The following MGLL variants were observed in gnomAD, a reference collection of about 807,000 sequenced individuals.
MGLL encodes the protein monoglyceride lipase, also known as lysophospholipase homolog.
In MGLL, 7 loss-of-function variants were observed where a neutral mutation model predicts 29.1. The observed-to-expected ratio is 0.24, with a 90% CI of 0.14 to 0.45. The LOEUF (loss-of-function observed/expected upper bound fraction) is 0.45, where lower values mean the gene tolerates loss of function less well. Among genes scored for constraint, MGLL ranks in the 20% least tolerant of loss-of-function variants. MGLL has a pLI of 0.99. For synonymous variants in MGLL, 148 were observed against 168.3 expected (o/e 0.88, Z 0.93); for missense variants, 356 against 413.6 (o/e 0.86, Z 1.21).
At chr3:127,802,806 G>C (rs1421786404) in intron 2 of MGLL, among the ~76,000 whole-genome samples, 1 of 152,182 alleles carries the variant, frequency 6.6e-6, no homozygotes, top group Non-Finnish European at 1.5e-5. Context: ...TGCCCTTCTG[G>C]GAAATCACTG....
chr3:127,792,280 A>G (rs1397944313), intron 2 of MGLL, among the ~76,000 whole-genome samples: 5 of 152,234 alleles, frequency 3.3e-5, no homozygotes. Flanking sequence ...TGCATCTCTA[A>G]GATCTGAGGG....
At position 127,821,727 on chromosome 3, in the gene MGLL, A is replaced by G. The variant is rs768259268; in HGVS notation, c.122T>C (p.Phe41Ser). 1.9e-6 allele frequency: 3 copies of G among 1,614,130 alleles called. No homozygotes were observed. Among genetic ancestry groups the G allele is most frequent in the East Asian group, 2.2e-5 (1 of 44,880 alleles). ...GCCTGTGGGTTTCCAGTACCTGCAG[A>G]AGAGGTACTGTCCGTCTGCATTGAC... ...HLVNADGQYLFCRYWKPTGTP... is the reference protein window; with the variant it reads ...HLVNADGQYLSCRYWKPTGTP... The change falls in exon 2 of 8, where the codon TTC becomes TCC. Residue 41 changes from phenylalanine (F) to serine (S), a missense_variant. Phe to Ser is a radical substitution (Grantham distance 155). Transcript: ENST00000265052.
intron 3 of MGLL, among the ~76,000 whole-genome samples, chr3:127,770,726 C>A (rs568678447): frequency 2.0e-4 from 30 of 152,216 alleles, no homozygotes; most frequent in Non-Finnish European, 3.2e-4. Flanking sequence ...GGCCACAAAA[C>A]CCTGTTGGAG....
chr3:127,809,805 T>C (rs897433332), intron 2 of MGLL, among the ~76,000 whole-genome samples: 2 of 152,122 alleles, frequency 1.3e-5, no homozygotes, highest in African/African-American at 4.8e-5. Context: ...AGGTGGCCTG[T>C]GGGGCTTGCT....
In MGLL at chr3:127,822,301, T is replaced by C. The variant is rs1342381918; in HGVS notation, c.10+8A>G. The C allele has an allele frequency of 3.1e-6, 5 of 1,612,818 alleles. No individual in the cohort carries two copies. The highest frequency in any genetic ancestry group is 2.2e-5 in the South Asian group (2 of 91,078). Reference sequence around the variant, plus strand: ...TCCCATCTGAAATTCCAAGGATACATGACAAACCTGTTTCCATTATGTGCT... The same window carrying C: ...TCCCATCTGAAATTCCAAGGATACACGACAAACCTGTTTCCATTATGTGCT... On this transcript the variant is annotated splice_region_variant and intron_variant, in intron 1 of 7. Transcript: ENST00000265052.
chr3:127,760,812 C>A (rs1160483401), intron 3 of MGLL, among the ~76,000 whole-genome samples: 1 of 152,246 alleles, frequency 6.6e-6, no homozygotes, highest in African/African-American at 2.4e-5. Flanking sequence ...GACTTTGCCC[C>A]CTAATGACTG....
At chr3:127,699,840 A>T (rs984989391) in intron 6 of MGLL, among the ~76,000 whole-genome samples, 4 of 152,304 alleles carry the variant, frequency 2.6e-5, no homozygotes, top group African/African-American at 7.2e-5. Context: ...CCCAGGGGTT[A>T]CCGCCCTTCA....
intron 3 of MGLL, among the ~76,000 whole-genome samples, chr3:127,766,298 C>T (rs867701695): frequency 6.6e-6 from 1 of 152,220 alleles, no homozygotes; most frequent in South Asian, 2.1e-4. Context: ...TCATTCCACA[C>T]CCAGCACTGA....
At chr3:127,730,031 G>A (rs938312287) in intron 3 of MGLL, among the ~76,000 whole-genome samples, 6 of 152,180 alleles carry the variant, frequency 3.9e-5, no homozygotes, top group Admixed American at 1.3e-4. Flanking sequence ...TTCACATAGC[G>A]GTTAAAGGCC....
rs369795673 is a variant in MGLL, at chr3:127,695,065, C to G, written c.726G>C (p.Leu242=). Residue 242 remains leucine, a synonymous_variant, in exon 7 of 8, where the codon CTG becomes CTC. Transcript: ENST00000265052. ...RALPKLTVPF[L]LLQGSADRLC... is the part of the protein sequence containing the mutation. Reference sequence around the variant, plus strand: ...GGCGATCGGCAGAGCCCTGGAGCAGCAGGAAGGGCACAGTCAGCTTGGGGA... The same window carrying G: ...GGCGATCGGCAGAGCCCTGGAGCAGGAGGAAGGGCACAGTCAGCTTGGGGA... The G allele has an allele frequency of 7.4e-6, 12 of 1,613,994 alleles. No individual in the cohort carries two copies. In the African/African-American group the frequency reaches 1.5e-4, roughly 20 times the overall value.
chr3:127,754,633 G>C (rs567171371), intron 3 of MGLL, among the ~76,000 whole-genome samples: 30 of 152,358 alleles, frequency 2.0e-4, no homozygotes, highest in African/African-American at 7.0e-4. Flanking sequence ...CACCACTCAG[G>C]CTGTTGGTCC....
At chr3:127,808,973 A>G (rs1465989505) in intron 2 of MGLL, among the ~76,000 whole-genome samples, 7 of 152,150 alleles carry the variant, frequency 4.6e-5, no homozygotes, top group Admixed American at 3.9e-4. Context: ...GGATTTTTGT[A>G]TTATCAAGGT....
At chr3:127,767,543 C>T (rs754419213) in intron 3 of MGLL, among the ~76,000 whole-genome samples, 4 of 152,170 alleles carry the variant, frequency 2.6e-5, no homozygotes, top group Non-Finnish European at 5.9e-5. Flanking sequence ...AGTGAAAGCA[C>T]ATGGTAGGCA....
intron 2 of MGLL, among the ~76,000 whole-genome samples, chr3:127,790,874 G>A (rs1184606139): frequency 6.6e-6 from 1 of 152,040 alleles, no homozygotes; most frequent in East Asian, 1.9e-4. Context: ...TCCTTCTTCC[G>A]CTCACACTGA....
intron 3 of MGLL, 87 bp downstream of exon 3, chr3:127,781,702 A>G: frequency 8.5e-7 from 1 of 1,172,452 alleles, no homozygotes; most frequent in Non-Finnish European, 1.3e-6. Flanking sequence ...AGAATTGAGA[A>G]GGATGCTGGC....
At chr3:127,803,232 A>G (rs9829976) in intron 2 of MGLL, among the ~76,000 whole-genome samples, 25,844 of 151,806 alleles carry the variant, frequency 0.17, 2,420 homozygotes, top group South Asian at 0.26. Context: ...CACCTGCCTC[A>G]GCCTGCCAAA....
At chr3:127,731,721 C>T (rs1159473333) in intron 3 of MGLL, among the ~76,000 whole-genome samples, 1 of 152,212 alleles carries the variant, frequency 6.6e-6, no homozygotes, top group Non-Finnish European at 1.5e-5. Context: ...AAGCCCCGGC[C>T]CACAGTTCCC....
intron 2 of MGLL, among the ~76,000 whole-genome samples, chr3:127,785,880 C>T (rs1324713857): frequency 2.6e-5 from 4 of 152,264 alleles, no homozygotes; most frequent in East Asian, 3.9e-4. Context: ...ATGAGGGGGT[C>T]GACAGATAAG....
chr3:127,740,589 TG>T (rs1048173728), intron 3 of MGLL, among the ~76,000 whole-genome samples: 3 of 152,126 alleles, frequency 2.0e-5, no homozygotes, highest in African/African-American at 7.2e-5. Context: ...TCCAGTTCTG[TG>T]GGGGTTGTGC....
Sources: gnomAD v4.1 joint callset for allele counts (sites outside exome capture counted in the v4.1 genomes callset) on GRCh38, gnomAD v4.1.1 for gene constraint, MANE v1.5 for transcripts, NCBI Gene and HGNC (gene_info 2026-07-23, HGNC 2026-07-21) for gene names.